The following WDFY2 variants were observed in gnomAD, a reference collection of about 807,000 sequenced individuals.
The protein encoded by WDFY2 is WD repeat and FYVE domain containing 2, also known as WD repeat and FYVE domain-containing protein 2.
WDFY2 carries 36 observed loss-of-function variants against 56.4 expected under a neutral mutation model. That is an observed-to-expected ratio of 0.64 (90% CI 0.49 to 0.84). WDFY2 has a LOEUF of 0.84. Ranked by LOEUF, WDFY2 falls within the 40% of genes least tolerant of loss-of-function variation. The pLI, the probability that WDFY2 is intolerant of heterozygous loss-of-function variation, is 0.00. For missense variants in WDFY2, 444 were observed against 512.2 expected, an observed-to-expected ratio of 0.87 and a Z score of 1.29; for synonymous variants, 176 against 183.7, an observed-to-expected ratio of 0.96 and a Z score of 0.34.
chr13:51,596,152 T>C (rs761211220), intron 1 of WDFY2, among the ~76,000 whole-genome samples: 2 of 152,158 alleles, frequency 1.3e-5, no homozygotes, highest in Non-Finnish European at 2.9e-5. Flanking sequence ...ATATTTCGAT[T>C]TGGGGGATAT....
At chr13:51,616,404 T>TG in intron 1 of WDFY2, among the ~76,000 whole-genome samples, 2 of 152,172 alleles carry the variant, frequency 1.3e-5, no homozygotes, top group East Asian at 3.9e-4. Flanking sequence ...GGAAAAGAAA[T>TG]GCTGTCTTCT....
chr13:51,732,856 A>T (rs1952753887), intron 6 of WDFY2, among the ~76,000 whole-genome samples: 1 of 152,212 alleles, frequency 6.6e-6, no homozygotes, highest in Non-Finnish European at 1.5e-5. Flanking sequence ...CTTTGCCCTT[A>T]TCCATCTTCC....
chr13:51,605,883 TATG>T (rs1954377036), intron 1 of WDFY2, among the ~76,000 whole-genome samples: 1 of 152,198 alleles, frequency 6.6e-6, no homozygotes, highest in Non-Finnish European at 1.5e-5. Flanking sequence ...AGCATTTTAT[TATG>T]ATGAGTTGCT....
At chr13:51,637,110 T>G (rs1038492350) in intron 1 of WDFY2, among the ~76,000 whole-genome samples, 6 of 152,144 alleles carry the variant, frequency 3.9e-5, no homozygotes, top group Non-Finnish European at 7.4e-5. Flanking sequence ...GTGTGTTAGT[T>G]TTGCAGGTGA....
chr13:51,740,659 A>G (rs1385992790), intron 7 of WDFY2, among the ~76,000 whole-genome samples: 1 of 145,152 alleles, frequency 6.9e-6, no homozygotes, highest in Admixed American at 6.8e-5. Flanking sequence ...GGTCGCGGTG[A>G]GCCGAGATCA....
At chr13:51,666,716 A>G (rs1310451845) in intron 2 of WDFY2, among the ~76,000 whole-genome samples, 1 of 152,164 alleles carries the variant, frequency 6.6e-6, no homozygotes, top group Non-Finnish European at 1.5e-5. Context: ...CTGTTTACAC[A>G]CACACACACT....
At chr13:51,686,058 T>C (rs1956058250) in intron 3 of WDFY2, among the ~76,000 whole-genome samples, 1 of 152,182 alleles carries the variant, frequency 6.6e-6, no homozygotes, top group Admixed American at 6.6e-5. Flanking sequence ...TTCCCTCCCT[T>C]TATCAAGTAG....
At chr13:51,675,082 C>A (rs757028554) in intron 2 of WDFY2, 88 bp from the exon 3 acceptor site, 108 of 1,173,074 alleles carry the variant, frequency 9.2e-5, no homozygotes, top group Non-Finnish European at 1.3e-4. Context: ...GGGGAAAGTA[C>A]AGCCCCACAC....
Position 51,759,780 on chromosome 13 carries a change from A to G in WDFY2, c.*11A>G. On this transcript the variant is annotated 3_prime_UTR_variant, in exon 12 of 12. Coordinates refer to ENST00000298125, the MANE Select transcript of WDFY2 (RefSeq NM_052950.4). ...CCAGTCGTGTCTTGATGACTCTCCC[A>G]GGAATCAGAAAGATAGTATTTACTA... 3 of 1,613,674 alleles carry G rather than the reference A, an allele frequency of 1.9e-6. No homozygotes were observed. In the South Asian group the frequency reaches 3.3e-5, roughly 18 times the overall value.
chr13:51,640,764 C>T (rs981534757), intron 1 of WDFY2, among the ~76,000 whole-genome samples: 5 of 150,688 alleles, frequency 3.3e-5, no homozygotes, highest in Admixed American at 1.3e-4. Flanking sequence ...GCAGGAGAAT[C>T]GCTTGAACCC....
At chr13:51,737,482 C>T (rs993327805) in intron 6 of WDFY2, among the ~76,000 whole-genome samples, 79 of 144,542 alleles carry the variant, frequency 5.5e-4, no homozygotes, top group Non-Finnish European at 9.2e-4. Context: ...TTGGTGATCC[C>T]GTGGTGAACA....
At chr13:51,749,422 A>G (rs984007390) in intron 7 of WDFY2, among the ~76,000 whole-genome samples, 1 of 152,200 alleles carries the variant, frequency 6.6e-6, no homozygotes, top group Admixed American at 6.5e-5. Flanking sequence ...CTCCTGGCAT[A>G]ATCTCAACCA....
At chr13:51,621,261 T>C (rs1272621727) in intron 1 of WDFY2, among the ~76,000 whole-genome samples, 2 of 152,136 alleles carry the variant, frequency 1.3e-5, no homozygotes, top group African/African-American at 4.8e-5. Flanking sequence ...TCCCAGCACT[T>C]TGGGAGGCCG....
intron 1 of WDFY2, among the ~76,000 whole-genome samples, chr13:51,648,428 A>G (rs1042531317): frequency 2.6e-5 from 4 of 152,190 alleles, no homozygotes; most frequent in African/African-American, 9.7e-5. Context: ...TTCACAAACA[A>G]TGAGCACCAC....
At chr13:51,640,933 G>A (rs1331972841) in intron 1 of WDFY2, among the ~76,000 whole-genome samples, 1 of 152,084 alleles carries the variant, frequency 6.6e-6, no homozygotes, top group South Asian at 2.1e-4. Context: ...ATTCATAAAG[G>A]ATAAAGAGAA....
At chr13:51,673,585 AG>A (rs1955839556) in intron 2 of WDFY2, among the ~76,000 whole-genome samples, 2 of 152,200 alleles carry the variant, frequency 1.3e-5, no homozygotes, top group Admixed American at 1.3e-4. Flanking sequence ...TTGTAATCAC[AG>A]TGTATTTTTT....
chr13:51,610,639 T>A (rs1489805433), intron 1 of WDFY2, among the ~76,000 whole-genome samples: 1 of 152,254 alleles, frequency 6.6e-6, no homozygotes, highest in Non-Finnish European at 1.5e-5. Flanking sequence ...TAACATTTAC[T>A]TGTAAGACTC....
chr13:51,759,142 C>T (rs934954316), intron 11 of WDFY2, among the ~76,000 whole-genome samples: 2 of 152,198 alleles, frequency 1.3e-5, no homozygotes, highest in East Asian at 1.9e-4. Flanking sequence ...GATTGTGCCA[C>T]TGTACTCCAG....
chr13:51,649,438 TA>T (rs1370041077), intron 1 of WDFY2, among the ~76,000 whole-genome samples: 2 of 151,792 alleles, frequency 1.3e-5, no homozygotes, highest in Non-Finnish European at 2.9e-5. Context: ...TTTTTTTTTT[TA>T]AATACTTTAA....
Sources: gnomAD v4.1 joint callset for allele counts (sites outside exome capture counted in the v4.1 genomes callset) on GRCh38, gnomAD v4.1.1 for gene constraint, MANE v1.5 for transcripts, NCBI Gene and HGNC (gene_info 2026-07-23, HGNC 2026-07-21) for gene names.